The following BAIAP2L1 variants were observed in gnomAD, a reference collection of about 807,000 sequenced individuals.
The protein encoded by BAIAP2L1 is BAR/IMD domain-containing adapter protein 2-like 1.
A neutral mutation model predicts 66.3 loss-of-function variants in BAIAP2L1; 35 were observed. The ratio of observed to expected loss-of-function variants is 0.53; its 90% CI spans 0.40 to 0.70. The LOEUF (loss-of-function observed/expected upper bound fraction) is 0.70. BAIAP2L1 is among the 30% of genes least tolerant of loss of function. BAIAP2L1 has a pLI of 0.00. For synonymous variants in BAIAP2L1, 269 were observed against 248.7 expected (o/e 1.08, Z -0.77); for missense variants, 622 against 656.9 (o/e 0.95, Z 0.58).
intron 10 of BAIAP2L1, 144 bp from the exon 11 acceptor site, chr7:98,306,660 T>A: frequency 8.3e-7 from 1 of 1,211,524 alleles, no homozygotes; most frequent in Non-Finnish European, 1.1e-6. Flanking sequence ...TTAAGGCTTT[T>A]AATAGGTAAA....
At chr7:98,324,099 A>G (rs1301832442) in intron 3 of BAIAP2L1, among the ~76,000 whole-genome samples, 1 of 152,054 alleles carries the variant, frequency 6.6e-6, no homozygotes, top group East Asian at 1.9e-4. Flanking sequence ...ATGCGCCCCA[A>G]TAAGAAACAC....
At chr7:98,317,403 T>C (rs1801108164) in intron 5 of BAIAP2L1, 47 bp from the exon 6 acceptor site, 3 of 1,605,812 alleles carry the variant, frequency 1.9e-6, no homozygotes, top group Non-Finnish European at 1.7e-6. Context: ...ACCACACGAA[T>C]TGTCACACAG....
chr7:98,385,750 T>C lies in BAIAP2L1; in HGVS notation c.51+15052A>G, dbSNP rs746413990. The C allele has an allele frequency of 5.2e-4, 725 of 1,398,558 alleles. 3 individuals carry two copies. The African/African-American group carries it at 7.4e-3, about 14-fold the overall frequency. The allele number at this position is 1,398,558 out of a possible 1,614,324, so 86.6% of individuals were successfully genotyped here. ...TTTCTTTTTTTTGTTGTTTTTTTTT[T>C]CACAAATAGCACTCTTTATTTGCCA... On this transcript the variant is annotated intron_variant, in intron 1 of 13. Transcript: ENST00000005260.
Position 98,325,694 on chromosome 7 carries a change from C to CAA in BAIAP2L1, c.215-5398_215-5397dup, listed in dbSNP as rs541148671. On this transcript the variant is annotated intron_variant, in intron 3 of 13. Coordinates refer to ENST00000005260, the MANE Select transcript of BAIAP2L1 (RefSeq NM_018842.5). ...CTTTGTCTCAAAAAATATATACATACAAAAAAAAAATAAAAATGTCATTGG... is the reference window on the plus strand; with the variant it reads ...CTTTGTCTCAAAAAATATATACATACAAAAAAAAAAAATAAAAATGTCATTGG... Among the ~76,000 whole-genome samples, 679 of 146,372 alleles carry CAA rather than the reference C, an allele frequency of 4.6e-3. 10 individuals are homozygous for CAA. Among genetic ancestry groups the CAA allele is most frequent in the African/African-American group, 0.016 (638 of 39,936 alleles).
At chr7:98,353,506 ATTATAAATACACATATAT>A (rs1186234467) in intron 3 of BAIAP2L1, among the ~76,000 whole-genome samples, 2 of 131,952 alleles carry the variant, frequency 1.5e-5, no homozygotes, top group Admixed American at 8.4e-5. Context: ...ATATATTTAT[ATTATAAATACACATATAT>A]TTATAAATAT....
At position 98,315,625 on chromosome 7, in the gene BAIAP2L1, A is replaced by AAAAAATAAT; in HGVS notation, c.487-14_487-13insATTATTTTT. On this transcript the variant is annotated splice_polypyrimidine_tract_variant and intron_variant, in intron 6 of 13. Transcript: ENST00000005260. The stretch of plus-strand genomic sequence containing the variant: ...CGGTCTCCACATACTAAAAAAAAAA[A>AAAAAATAAT]AATAATAATAATAATAATTATATAA... 2 of 1,130,960 alleles carry AAAAAATAAT rather than the reference A, an allele frequency of 1.8e-6. No individual in the cohort carries two copies. Among genetic ancestry groups the AAAAAATAAT allele is most frequent in the African/African-American group, 3.3e-5 (2 of 60,294 alleles). 70.1% of individuals were successfully genotyped at this position (1,130,960 alleles called of 1,614,324 possible). A position where few individuals can be genotyped will look rare whatever the true frequency, so the allele number is the denominator to read the frequency against.
intron 3 of BAIAP2L1, among the ~76,000 whole-genome samples, chr7:98,328,184 G>A (rs978035437): frequency 9.9e-5 from 15 of 152,132 alleles, no homozygotes; most frequent in Non-Finnish European, 2.1e-4. Flanking sequence ...TCTTTAGGAA[G>A]AAGAGCTCAT....
chr7:98,293,011 T>TG lies in BAIAP2L1; in HGVS notation c.*509_*510insC. ...AAGCTCTACACTTAAACATTTTAAGTTAAATTACATTTATATAGTATTTTC... is the reference window on the plus strand; with the variant it reads ...AAGCTCTACACTTAAACATTTTAAGTGTAAATTACATTTATATAGTATTTTC... On this transcript the variant is annotated 3_prime_UTR_variant, in exon 14 of 14. Coordinates refer to ENST00000005260, the MANE Select transcript of BAIAP2L1 (RefSeq NM_018842.5). The TG allele has an allele frequency of 2.8e-6, 3 of 1,070,000 alleles. No homozygotes were observed. Among genetic ancestry groups the TG allele is most frequent in the Non-Finnish European group, 3.4e-6 (3 of 870,680 alleles). The allele number at this position is 1,070,000 out of a possible 1,614,324, so 66.3% of individuals were successfully genotyped here. A position where few individuals can be genotyped will look rare whatever the true frequency, so the allele number is the denominator to read the frequency against.
At chr7:98,357,840 C>A (rs1292560941) in intron 2 of BAIAP2L1, among the ~76,000 whole-genome samples, 12 of 152,128 alleles carry the variant, frequency 7.9e-5, no homozygotes, top group Admixed American at 7.9e-4. Context: ...GGGACATACC[C>A]AAGGTCAATG....
At chr7:98,335,704 A>AG (rs1167531043) in intron 3 of BAIAP2L1, among the ~76,000 whole-genome samples, 2 of 152,008 alleles carry the variant, frequency 1.3e-5, no homozygotes, top group East Asian at 3.9e-4. Context: ...GGCAGGCAGC[A>AG]GTGGCACAGG....
At chr7:98,313,627 T>C (rs1562969852) in intron 7 of BAIAP2L1, among the ~76,000 whole-genome samples, 1 of 152,114 alleles carries the variant, frequency 6.6e-6, no homozygotes, top group Non-Finnish European at 1.5e-5. Flanking sequence ...CATTTTCTTC[T>C]GCTTTTTTGA....
intron 12 of BAIAP2L1, among the ~76,000 whole-genome samples, chr7:98,297,612 C>G (rs141677343): frequency 6.6e-6 from 1 of 152,194 alleles, no homozygotes; most frequent in Non-Finnish European, 1.5e-5. Flanking sequence ...GTCTGTGGCC[C>G]GGACTTGTCT....
chr7:98,319,739 T>A (rs1034426792), intron 5 of BAIAP2L1, among the ~76,000 whole-genome samples: 3 of 151,952 alleles, frequency 2.0e-5, no homozygotes, highest in Admixed American at 6.6e-5. Context: ...TGAGTAGAGA[T>A]GGGGTTTCAC....
intron 2 of BAIAP2L1, among the ~76,000 whole-genome samples, chr7:98,359,307 T>A (rs1438769595): frequency 1.3e-5 from 2 of 148,722 alleles, no homozygotes; most frequent in Admixed American, 1.4e-4. Flanking sequence ...AGAGTCTTGC[T>A]CTGTCACTAG....
chr7:98,391,146 AAC>A (rs1358152685), intron 1 of BAIAP2L1, among the ~76,000 whole-genome samples: 1 of 151,586 alleles, frequency 6.6e-6, no homozygotes, highest in Admixed American at 6.6e-5. Flanking sequence ...CCGGCCCATA[AAC>A]ACAGTTTAAG....
chr7:98,389,764 T>C (rs1276018562), intron 1 of BAIAP2L1, among the ~76,000 whole-genome samples: 1 of 152,112 alleles, frequency 6.6e-6, no homozygotes, highest in Non-Finnish European at 1.5e-5. Flanking sequence ...GACTTTTTGC[T>C]CTACACATTC....
In BAIAP2L1 at chr7:98,373,736, A is replaced by G. The variant is rs1376918315; in HGVS notation, c.52-11304T>C. ...ACCAACTGTAGTAATTAATATTCTA[A>G]GAGAAAAGCTCTAAAATATGAGTCA... On this transcript the variant is annotated intron_variant, in intron 1 of 13. Transcript: ENST00000005260. Among the ~76,000 whole-genome samples the G allele has an allele frequency of 2.0e-5, 3 of 152,178 alleles. No homozygotes were observed. In the East Asian group the frequency reaches 5.8e-4, roughly 29 times the overall value.
chr7:98,371,110 AG>A (rs1802502285), intron 1 of BAIAP2L1, among the ~76,000 whole-genome samples: 1 of 152,206 alleles, frequency 6.6e-6, no homozygotes, highest in African/African-American at 2.4e-5. Context: ...TTTTAATTTA[AG>A]TTTGGCACTA....
chr7:98,324,148 T>A (rs944949573), intron 3 of BAIAP2L1, among the ~76,000 whole-genome samples: 1 of 152,248 alleles, frequency 6.6e-6, no homozygotes, highest in African/African-American at 2.4e-5. Context: ...TGCTTCCTTT[T>A]TCCCCCGGTT....
Sources: gnomAD v4.1 joint callset for allele counts (sites outside exome capture counted in the v4.1 genomes callset) on GRCh38, gnomAD v4.1.1 for gene constraint, MANE v1.5 for transcripts, NCBI Gene and HGNC (gene_info 2026-07-23, HGNC 2026-07-21) for gene names.